SBF2: variants seen among roughly 807,000 people sequenced by gnomAD.
SBF2 encodes SET binding factor 2, also known as myotubularin-related protein 13.
A neutral mutation model predicts 225.2 loss-of-function variants in SBF2; 112 were observed. That is an observed-to-expected ratio of 0.50 (90% confidence interval 0.43 to 0.58). The LOEUF (loss-of-function observed/expected upper bound fraction) is 0.58, where lower values mean the gene tolerates loss of function less well. SBF2 is among the 20% of genes least tolerant of loss of function. SBF2 has a pLI of 0.00. For missense variants in SBF2, 1,996 were observed against 2,206.2 expected (o/e 0.90, Z 1.91); for synonymous variants, 763 against 773.3 (o/e 0.99, Z 0.22).
chr11:9,799,494 G>A (rs1368726323), intron 32 of SBF2, among the ~76,000 whole-genome samples: 2 of 152,356 alleles, frequency 1.3e-5, no homozygotes, highest in African/African-American at 2.4e-5. Context: ...GGAAGTGGAA[G>A]AGAAGATGCA....
At chr11:9,848,187 T>C (rs1436195733) in intron 22 of SBF2, among the ~76,000 whole-genome samples, 6 of 152,198 alleles carry the variant, frequency 3.9e-5, no homozygotes, top group African/African-American at 1.4e-4. Context: ...CCTGGATCTA[T>C]CAATCTGTAA....
upstream of SBF2, among the ~76,000 whole-genome samples, chr11:10,294,883 C>T (rs1413045134): frequency 1.3e-5 from 2 of 152,270 alleles, no homozygotes; most frequent in Non-Finnish European, 2.9e-5. Flanking sequence ...CACGCCTCGG[C>T]TTGCTTCCCT....
intron 1 of SBF2, among the ~76,000 whole-genome samples, chr11:10,288,383 T>C (rs575304058): frequency 5.8e-4 from 89 of 152,308 alleles, no homozygotes; most frequent in African/African-American, 2.1e-3. Flanking sequence ...CTCTTCTCTG[T>C]AGCAAGGGTA....
At chr11:9,969,223 G>C (rs10840337) in intron 13 of SBF2, among the ~76,000 whole-genome samples, 1 of 152,020 alleles carries the variant, frequency 6.6e-6, no homozygotes, top group African/African-American at 2.4e-5. Context: ...TTGTGGACTT[G>C]ACCTTTAAAA....
chr11:10,170,131 A>G (rs2135241729), intron 2 of SBF2, among the ~76,000 whole-genome samples: 1 of 152,088 alleles, frequency 6.6e-6, no homozygotes, highest in South Asian at 2.1e-4. Context: ...AAGCTTTTTA[A>G]GTTAATGTGA....
At chr11:9,943,845 GCA>G (rs1262274830) in intron 16 of SBF2, among the ~76,000 whole-genome samples, 1 of 152,152 alleles carries the variant, frequency 6.6e-6, no homozygotes, top group Non-Finnish European at 1.5e-5. Flanking sequence ...AGCTGAAGTT[GCA>G]CATACTCTTG....
intron 35 of SBF2, 147 bp from the exon 36 acceptor site, chr11:9,787,885 C>G (rs1221734300): frequency 1.4e-6 from 1 of 699,310 alleles, no homozygotes; most frequent in Non-Finnish European, 2.6e-6. Flanking sequence ...TGTGAGGTCT[C>G]CCAGCCAGGA....
intron 16 of SBF2, 58 bp downstream of exon 16, chr11:9,961,899 T>G: frequency 6.5e-7 from 1 of 1,544,718 alleles, no homozygotes; most frequent in Middle Eastern, 1.7e-4. Flanking sequence ...CAAAATATTC[T>G]GGAAAAATGA....
rs990575962 is a variant in SBF2, at chr11:10,098,683, A to G, written c.142-55702T>C. ...CAATCAACAAAGACAAAAAATGCACACACACACACACACACACACACACAC... is the reference window on the plus strand; with the variant it reads ...CAATCAACAAAGACAAAAAATGCACGCACACACACACACACACACACACAC... On this transcript the variant is annotated intron_variant, in intron 2 of 39. Coordinates refer to ENST00000256190, the MANE Select transcript of SBF2 (RefSeq NM_030962.4). 9.4e-3 allele frequency among the ~76,000 whole-genome samples: 823 copies of G among 87,508 alleles called. 6 individuals are homozygous for G. Among genetic ancestry groups the G allele is most frequent in the Non-Finnish European group, 6.3e-3 (265 of 42,030 alleles). The allele number at this position is 87,508 out of a possible 152,430, so 57.4% of individuals were successfully genotyped here.
chr11:10,239,931 G>A (rs1476452059), intron 1 of SBF2, among the ~76,000 whole-genome samples: 2 of 152,146 alleles, frequency 1.3e-5, no homozygotes, highest in African/African-American at 4.8e-5. Context: ...AATAAAATTA[G>A]TAGTGAGCCA....
chr11:10,291,394 T>G (rs1964148881), intron 1 of SBF2, among the ~76,000 whole-genome samples: 2 of 152,184 alleles, frequency 1.3e-5, no homozygotes, highest in African/African-American at 4.8e-5. Context: ...GTCTTCATCT[T>G]GGATTTCTCT....
intron 1 of SBF2, among the ~76,000 whole-genome samples, chr11:10,203,063 G>A (rs1036434283): frequency 3.3e-5 from 5 of 151,416 alleles, no homozygotes; most frequent in Non-Finnish European, 7.4e-5. Context: ...GGGGTGAGAG[G>A]GGGGTGCAGT....
chr11:9,781,003 C>T (rs1022670502), intron 39 of SBF2, among the ~76,000 whole-genome samples: 1 of 152,204 alleles, frequency 6.6e-6, no homozygotes, highest in Non-Finnish European at 1.5e-5. Flanking sequence ...TAGAGGATGA[C>T]CTATCCTCTT....
At chr11:9,843,632 G>T (rs1856328423) in intron 24 of SBF2, among the ~76,000 whole-genome samples, 1 of 152,136 alleles carries the variant, frequency 6.6e-6, no homozygotes, top group Non-Finnish European at 1.5e-5. Context: ...TCAGTAAAAA[G>T]TGATAAGGCT....
At chr11:10,037,356 T>C (rs997004430) in intron 3 of SBF2, among the ~76,000 whole-genome samples, 2 of 152,182 alleles carry the variant, frequency 1.3e-5, no homozygotes, top group Non-Finnish European at 1.5e-5. Flanking sequence ...TAACAAAGTC[T>C]AGTCTTGTTG....
chr11:9,995,930 G>A (rs562549234), intron 9 of SBF2, among the ~76,000 whole-genome samples: 1 of 151,744 alleles, frequency 6.6e-6, no homozygotes, highest in East Asian at 1.9e-4. Context: ...AAAGTGTTGG[G>A]ATTACACGCA....
intron 16 of SBF2, among the ~76,000 whole-genome samples, chr11:9,939,418 C>T (rs1865118304): frequency 6.6e-6 from 1 of 152,084 alleles, no homozygotes; most frequent in African/African-American, 2.4e-5. Context: ...TAAAATAATG[C>T]TCAAATTCAA....
At chr11:10,193,818 G>T in intron 2 of SBF2, 84 bp downstream of exon 2, 2 of 923,464 alleles carry the variant, frequency 2.2e-6, no homozygotes, top group Admixed American at 3.5e-5. Flanking sequence ...TTATTTAACA[G>T]CAAATGTAAC....
intron 2 of SBF2, among the ~76,000 whole-genome samples, chr11:10,072,695 C>CA (rs1950931825): frequency 2.1e-5 from 3 of 145,180 alleles, no homozygotes; most frequent in African/African-American, 7.5e-5. Context: ...ACTATGTTCT[C>CA]AAAAAACAAA....
Sources: gnomAD v4.1 joint callset for allele counts (sites outside exome capture counted in the v4.1 genomes callset) on GRCh38, gnomAD v4.1.1 for gene constraint, MANE v1.5 for transcripts, NCBI Gene and HGNC (gene_info 2026-07-23, HGNC 2026-07-21) for gene names.